FOCAD: variants seen among roughly 807,000 people sequenced by gnomAD.
FOCAD encodes focadhesin, also known as KIAA1797.
A neutral mutation model predicts 225.6 loss-of-function variants in FOCAD; 198 were observed. The ratio of observed to expected loss-of-function variants is 0.88; its 90% CI spans 0.78 to 0.99. The LOEUF (loss-of-function observed/expected upper bound fraction) is 0.99. FOCAD is among the 50% of genes least tolerant of loss of function. FOCAD has a pLI of 0.00. For missense variants in FOCAD, 2,713 were observed against 2,123.6 expected, an observed-to-expected ratio of 1.28 and a Z score of -5.46; for synonymous variants, 897 against 755.0, an observed-to-expected ratio of 1.19 and a Z score of -3.08.
chr9:20,822,307 A>G (rs1284272626), intron 14 of FOCAD, among the ~76,000 whole-genome samples: 2 of 152,042 alleles, frequency 1.3e-5, no homozygotes, highest in African/African-American at 2.4e-5. Flanking sequence ...AATTTCATCA[A>G]TTTACATTTT....
At chr9:20,747,371 G>A (rs1339239882) in intron 5 of FOCAD, among the ~76,000 whole-genome samples, 3 of 152,054 alleles carry the variant, frequency 2.0e-5, no homozygotes, top group Non-Finnish European at 4.4e-5. Flanking sequence ...GCTGATAAAT[G>A]TGCTTTCTAA....
At chr9:20,893,920 A>G (rs1356094925) in intron 21 of FOCAD, among the ~76,000 whole-genome samples, 3 of 152,140 alleles carry the variant, frequency 2.0e-5, no homozygotes, top group African/African-American at 7.2e-5. Context: ...TCTTGGTGTT[A>G]AACATTCTAT....
chr9:20,906,775 A>T (rs1833016180), intron 21 of FOCAD, among the ~76,000 whole-genome samples: 1 of 152,078 alleles, frequency 6.6e-6, no homozygotes. Flanking sequence ...ATTTATTTTT[A>T]TTTAAAATTA....
intron 33 of FOCAD, among the ~76,000 whole-genome samples, chr9:20,950,473 A>G (rs1010375305): frequency 3.9e-5 from 6 of 152,234 alleles, no homozygotes; most frequent in Non-Finnish European, 8.8e-5. Flanking sequence ...ATGAATAGAA[A>G]TATTCTCAAA....
intron 18 of FOCAD, 108 bp downstream of exon 18, chr9:20,867,120 G>A: frequency 1.5e-6 from 1 of 647,966 alleles, no homozygotes; most frequent in South Asian, 2.3e-5. Context: ...CATAACCCTA[G>A]ATCTGTTGTC....
At chr9:20,929,734 C>T in intron 27 of FOCAD, 138 bp downstream of exon 27, 1 of 656,924 alleles carries the variant, frequency 1.5e-6, no homozygotes, top group South Asian at 1.9e-5. Context: ...GCAAGTTGAT[C>T]CTTTATTCTT....
At chr9:20,790,728 G>A (rs181391591) in intron 11 of FOCAD, among the ~76,000 whole-genome samples, 9 of 152,192 alleles carry the variant, frequency 5.9e-5, no homozygotes, top group Admixed American at 1.3e-4. Context: ...CCGAGATTGC[G>A]CCACTGCACT....
At chr9:20,727,004 A>C (rs1377629520) in intron 4 of FOCAD, among the ~76,000 whole-genome samples, 7 of 152,168 alleles carry the variant, frequency 4.6e-5, no homozygotes, top group Non-Finnish European at 1.0e-4. Flanking sequence ...GAGCATTACT[A>C]TCTGAATTTG....
chr9:20,948,778 T>G, intron 31 of FOCAD, 73 bp from the exon 32 acceptor site: 1 of 1,511,830 alleles, frequency 6.6e-7, no homozygotes, highest in Non-Finnish European at 9.2e-7. Flanking sequence ...TTTCTCCGTG[T>G]CCTCAGAAGT....
At chr9:20,775,580 C>G (rs779761710) in intron 8 of FOCAD, among the ~76,000 whole-genome samples, 1 of 152,206 alleles carries the variant, frequency 6.6e-6, no homozygotes, top group Non-Finnish European at 1.5e-5. Flanking sequence ...GGGCCACCAT[C>G]TTTGTTTTGT....
chr9:20,664,377 T>C (rs942166481), intron 2 of FOCAD, among the ~76,000 whole-genome samples: 1 of 151,138 alleles, frequency 6.6e-6, no homozygotes, highest in Non-Finnish European at 1.5e-5. Flanking sequence ...ACTGATTCTA[T>C]TTAATGGTTC....
intron 23 of FOCAD, among the ~76,000 whole-genome samples, chr9:20,913,884 G>T (rs10964751): frequency 6.6e-6 from 1 of 152,070 alleles, no homozygotes; most frequent in South Asian, 2.1e-4. Flanking sequence ...AAAATATATA[G>T]AGAGACCTAT....
intron 4 of FOCAD, among the ~76,000 whole-genome samples, chr9:20,721,997 C>CTCCCTCCT (rs1825823066): frequency 1.0e-5 from 1 of 95,274 alleles, no homozygotes; most frequent in African/African-American, 4.4e-5. Flanking sequence ...CCCTCCCTCC[C>CTCCCTCCT]TCCCTCCCTT....
At chr9:20,790,569 C>T (rs377081464) in intron 11 of FOCAD, among the ~76,000 whole-genome samples, 10 of 152,234 alleles carry the variant, frequency 6.6e-5, no homozygotes, top group African/African-American at 2.2e-4. Flanking sequence ...GTCAAGAGTT[C>T]GAGACCAGCC....
chr9:20,954,996 C>T (rs1274074899), intron 35 of FOCAD, among the ~76,000 whole-genome samples: 2 of 152,180 alleles, frequency 1.3e-5, no homozygotes, highest in Non-Finnish European at 2.9e-5. Context: ...ATACCCAGCT[C>T]ATTTGAATTT....
intron 1 of FOCAD, among the ~76,000 whole-genome samples, chr9:20,685,938 G>A (rs571278218): frequency 7.2e-5 from 11 of 152,212 alleles, no homozygotes; most frequent in African/African-American, 2.6e-4. Context: ...TATAACCAGA[G>A]TTTTTCATTT....
At chr9:20,846,295 T>G (rs906698403) in intron 15 of FOCAD, among the ~76,000 whole-genome samples, 3 of 152,114 alleles carry the variant, frequency 2.0e-5, no homozygotes, top group Non-Finnish European at 4.4e-5. Flanking sequence ...CTCCTGGAGA[T>G]TAGGCTGCAC....
At chr9:20,726,025 A>G (rs570063260) in intron 4 of FOCAD, among the ~76,000 whole-genome samples, 19 of 152,334 alleles carry the variant, frequency 1.2e-4, no homozygotes, top group Non-Finnish European at 7.4e-5. Flanking sequence ...GGGGACCACA[A>G]AAGAAACACA....
intron 21 of FOCAD, among the ~76,000 whole-genome samples, chr9:20,889,830 G>GTT (rs1831459778): frequency 7.2e-5 from 11 of 152,258 alleles, no homozygotes; most frequent in African/African-American, 2.6e-4. Context: ...ACTTGAGAGA[G>GTT]GACTGACATC....
Sources: gnomAD v4.1 joint callset for allele counts (sites outside exome capture counted in the v4.1 genomes callset) on GRCh38, gnomAD v4.1.1 for gene constraint, MANE v1.5 for transcripts, NCBI Gene and HGNC (gene_info 2026-07-23, HGNC 2026-07-21) for gene names.